SCFD1: variants seen among roughly 807,000 people sequenced by gnomAD.
SCFD1 encodes sec1 family domain containing 1, also known as sec1 family domain-containing protein 1.
A neutral mutation model predicts 103.2 loss-of-function variants in SCFD1; 37 were observed. That is an observed-to-expected ratio of 0.36 (90% CI 0.28 to 0.47). SCFD1 has a LOEUF of 0.47. Ranked by LOEUF, SCFD1 falls within the 20% of genes least tolerant of loss-of-function variation. The pLI is 1.00. For missense variants in SCFD1, 639 were observed against 761.2 expected (o/e 0.84, Z 1.89); for synonymous variants, 264 against 245.0 (o/e 1.08, Z -0.73).
At chr14:30,695,936 T>C (rs1890671360) in intron 15 of SCFD1, among the ~76,000 whole-genome samples, 1 of 152,080 alleles carries the variant, frequency 6.6e-6, no homozygotes, top group Non-Finnish European at 1.5e-5. Flanking sequence ...TGTAATCCAA[T>C]TGTAGTTTTT....
At chr14:30,735,449 C>T in intron 24 of SCFD1, 137 bp from the exon 25 acceptor site, 1 of 675,044 alleles carries the variant, frequency 1.5e-6, no homozygotes, top group South Asian at 1.7e-5. Context: ...TAGTGGTGAA[C>T]ATTAAGATTT....
chr14:30,682,568 T>C (rs1187169272), intron 14 of SCFD1, among the ~76,000 whole-genome samples: 2 of 152,198 alleles, frequency 1.3e-5, no homozygotes, highest in African/African-American at 4.8e-5. Context: ...CAATTGAGTT[T>C]TGGAGAATTC....
At chr14:30,668,558 TTAAAC>T (rs1888234020) in intron 10 of SCFD1, among the ~76,000 whole-genome samples, 2 of 152,210 alleles carry the variant, frequency 1.3e-5, no homozygotes, top group African/African-American at 4.8e-5. Context: ...TGGGATCTAA[TTAAAC>T]TAAAGAGCTT....
At chr14:30,698,907 G>T (rs116693721) in intron 15 of SCFD1, among the ~76,000 whole-genome samples, 1 of 152,168 alleles carries the variant, frequency 6.6e-6, no homozygotes, top group South Asian at 2.1e-4. Context: ...GAGGGGAAGA[G>T]CTAGAAGACG....
rs770314144 is a variant in SCFD1 at position 30,639,871 on chromosome 14, A to G, written c.523+7A>G. ...GAGCTTGTTTCATATCGTGGTATGT[A>G]AAAATAGAAATGTTGCAATTCTTTG... On this transcript the variant is annotated splice_region_variant and intron_variant, in intron 6 of 24. Coordinates refer to ENST00000458591, the MANE Select transcript of SCFD1 (RefSeq NM_016106.4). 6.4e-7 allele frequency: 1 copy of G among 1,573,824 alleles called. No homozygotes were observed. The highest frequency in any genetic ancestry group is 8.6e-7 in the Non-Finnish European group (1 of 1,161,382).
intron 10 of SCFD1, among the ~76,000 whole-genome samples, chr14:30,664,302 C>T (rs1887716514): frequency 6.6e-6 from 1 of 152,048 alleles, no homozygotes; most frequent in Non-Finnish European, 1.5e-5. Context: ...AGACCTGCAG[C>T]TGAAGGACCT....
chr14:30,667,399 C>T (rs1388448910), intron 10 of SCFD1, among the ~76,000 whole-genome samples: 13 of 152,140 alleles, frequency 8.5e-5, no homozygotes, highest in South Asian at 4.1e-4. Flanking sequence ...ATTGATGGAA[C>T]GTATCTCAAA....
intron 3 of SCFD1, among the ~76,000 whole-genome samples, chr14:30,633,080 T>G (rs1378251770): frequency 3.3e-5 from 5 of 152,182 alleles, no homozygotes; most frequent in Non-Finnish European, 1.5e-5. Flanking sequence ...AATTACAAGT[T>G]TCCACAGTAT....
intron 14 of SCFD1, among the ~76,000 whole-genome samples, chr14:30,682,011 G>A (rs1317840533): frequency 6.6e-6 from 1 of 152,038 alleles, no homozygotes; most frequent in African/African-American, 2.4e-5. Context: ...TATCTAGAGT[G>A]GAAAGATTGC....
Position 30,735,619 on chromosome 14 carries a change from A to G in SCFD1, c.*10A>G, listed in dbSNP as rs1893792602. ...ACTTGGACAAAAGTAACACAGAAGA[A>G]CCTTACTATGATAATCTACTTGGAA... On this transcript the variant is annotated 3_prime_UTR_variant, in exon 25 of 25. Coordinates refer to ENST00000458591, the MANE Select transcript of SCFD1 (RefSeq NM_016106.4). The G allele has an allele frequency of 1.3e-6, 2 of 1,585,914 alleles. No individual in the cohort carries two copies. Among genetic ancestry groups the G allele is most frequent in the African/African-American group, 1.4e-5 (1 of 73,934 alleles).
intron 7 of SCFD1, chr14:30,643,882 T>A (rs562556912): frequency 2.2e-6 from 1 of 451,152 alleles, no homozygotes; most frequent in Admixed American, 2.4e-5. Context: ...TATTTTAGGT[T>A]TGGGGGATAC....
chr14:30,636,838 A>G (rs1298049911), intron 4 of SCFD1, among the ~76,000 whole-genome samples: 2 of 152,022 alleles, frequency 1.3e-5, no homozygotes, highest in South Asian at 4.1e-4. Context: ...TTGCAATTGT[A>G]TAAAAATTCA....
intron 7 of SCFD1, among the ~76,000 whole-genome samples, chr14:30,647,799 C>G (rs1415287940): frequency 6.6e-6 from 1 of 152,054 alleles, no homozygotes; most frequent in Non-Finnish European, 1.5e-5. Context: ...TATAGGCATG[C>G]TCTACCACGC....
intron 15 of SCFD1, 61 bp from the exon 16 acceptor site, chr14:30,700,127 A>T: frequency 5.1e-6 from 6 of 1,182,098 alleles, no homozygotes; most frequent in Non-Finnish European, 7.5e-6. Flanking sequence ...ACTTGTGTTG[A>T]CTATAATACA....
chr14:30,667,449 A>G (rs1267751242), intron 10 of SCFD1, among the ~76,000 whole-genome samples: 1 of 152,232 alleles, frequency 6.6e-6, no homozygotes, highest in Non-Finnish European at 1.5e-5. Flanking sequence ...AGCCAATATC[A>G]TACTGAATGG....
At chr14:30,625,598 GTTATAGGTATAGGTATA>G in intron 1 of SCFD1, among the ~76,000 whole-genome samples, 1 of 61,112 alleles carries the variant, frequency 1.6e-5, no homozygotes, top group Non-Finnish European at 2.6e-5. Context: ...AATCCTTTTT[GTTATAGGTATAGGTATA>G]CCTATATAGG....
intron 7 of SCFD1, among the ~76,000 whole-genome samples, chr14:30,648,047 G>T (rs1886019886): frequency 6.6e-6 from 1 of 152,130 alleles, no homozygotes; most frequent in South Asian, 2.1e-4. Context: ...ACAAGTTTTA[G>T]AACAGTATAT....
intron 17 of SCFD1, among the ~76,000 whole-genome samples, chr14:30,704,904 G>A (rs1455890362): frequency 6.6e-6 from 1 of 152,170 alleles, no homozygotes; most frequent in Non-Finnish European, 1.5e-5. Context: ...CCTAAGATTA[G>A]AAGACTATAC....
chr14:30,693,061 G>C (rs1890431990), intron 14 of SCFD1, among the ~76,000 whole-genome samples: 2 of 152,056 alleles, frequency 1.3e-5, no homozygotes, highest in African/African-American at 4.8e-5. Context: ...ATTCAAACTA[G>C]CTTTATAGAG....
Sources: allele counts gnomAD v4.1 joint callset (sites outside exome capture counted in the v4.1 genomes callset), GRCh38; gene constraint gnomAD v4.1.1; transcripts MANE v1.5; gene names NCBI Gene and HGNC (gene_info 2026-07-23, HGNC 2026-07-21).